Variants in SMC5 observed in about 807,000 individuals in gnomAD.
The protein encoded by SMC5 is structural maintenance of chromosomes 5, also known as structural maintenance of chromosomes protein 5.
A neutral mutation model predicts 148.3 loss-of-function variants in SMC5; 88 were observed. The observed-to-expected ratio is 0.59, with a 90% confidence interval of 0.50 to 0.71. The LOEUF (loss-of-function observed/expected upper bound fraction) is 0.71. SMC5 is among the 30% of genes least tolerant of loss of function. The pLI is 0.00. For missense variants in SMC5, 1,142 were observed against 1,298.9 expected, an observed-to-expected ratio of 0.88 and a Z score of 1.86; for synonymous variants, 421 against 432.8, an observed-to-expected ratio of 0.97 and a Z score of 0.34.
At chr9:70,271,510 T>C (rs1306111578) in intron 3 of SMC5, among the ~76,000 whole-genome samples, 5 of 152,200 alleles carry the variant, frequency 3.3e-5, no homozygotes, top group African/African-American at 1.2e-4. Context: ...ATGTAGTCAT[T>C]TTCCAAATAT....
chr9:70,284,673 A>T (rs530048113), intron 7 of SMC5, among the ~76,000 whole-genome samples: 1 of 152,338 alleles, frequency 6.6e-6, no homozygotes, highest in East Asian at 1.9e-4. Flanking sequence ...CATGAGCCTA[A>T]TTTATTTATG....
chr9:70,345,145 T>G (rs1400290650), intron 18 of SMC5, among the ~76,000 whole-genome samples: 1 of 149,164 alleles, frequency 6.7e-6, no homozygotes, highest in East Asian at 2.0e-4. Context: ...ATACATTGTG[T>G]TGTTATAAAA....
At chr9:70,314,255 A>C (rs1166174278) in intron 11 of SMC5, among the ~76,000 whole-genome samples, 1 of 152,260 alleles carries the variant, frequency 6.6e-6, no homozygotes, top group Middle Eastern at 3.4e-3. Flanking sequence ...GATGCTCCAG[A>C]TTGGGGAATG....
chr9:70,346,616 C>T lies in SMC5; in HGVS notation c.2535C>T (p.Thr845=), dbSNP rs759547105. The T allele has an allele frequency of 6.2e-7, 1 of 1,614,042 alleles. No individual in the cohort carries two copies. Among genetic ancestry groups the T allele is most frequent in the Non-Finnish European group, 8.5e-7 (1 of 1,179,942 alleles). The change falls in exon 19 of 25, where the codon ACC becomes ACT. Residue 845 remains threonine, a synonymous_variant. Transcript: ENST00000361138. ...LPQEYQTQVP[T]IPNGHNSSLP... Reference sequence around the variant, plus strand: ...TTCTACCAATTCAGCAAGTACCCACCATTCCAAATGGACACAACTCCTCAC... The same window carrying T: ...TTCTACCAATTCAGCAAGTACCCACTATTCCAAATGGACACAACTCCTCAC...
rs1204651336 is a variant in SMC5 at position 70,298,075 on chromosome 9, A to AGACCAC, written c.1165_1170dup (p.Thr389_Thr390dup). ...ATAGAGGATTTGCAAAATGAACTAA[A>AGACCAC]GACCACGGAAAACTGCGAGAATCTT... is the stretch of plus-strand genomic sequence containing the variant. On this transcript the variant is annotated inframe_insertion, in exon 9 of 25. Transcript: ENST00000361138. 1 of 1,614,068 alleles carries AGACCAC rather than the reference A, an allele frequency of 6.2e-7. No individual in the cohort carries two copies. The highest frequency in any genetic ancestry group is 8.5e-7 in the Non-Finnish European group (1 of 1,179,948).
At chr9:70,329,935 AC>A (rs2036177831) in intron 17 of SMC5, among the ~76,000 whole-genome samples, 2 of 152,192 alleles carry the variant, frequency 1.3e-5, no homozygotes, top group Non-Finnish European at 2.9e-5. Context: ...GGCACGTCTT[AC>A]CATGGCGGTG....
intron 3 of SMC5, among the ~76,000 whole-genome samples, chr9:70,273,382 CTATA>C (rs1167240756): frequency 1.3e-5 from 2 of 151,588 alleles, no homozygotes; most frequent in African/African-American, 4.8e-5. Flanking sequence ...TTTGAGTTTA[CTATA>C]TATATTATTT....
intron 11 of SMC5, among the ~76,000 whole-genome samples, chr9:70,309,525 T>G (rs2035605081): frequency 6.6e-6 from 1 of 152,018 alleles, no homozygotes; most frequent in Non-Finnish European, 1.5e-5. Flanking sequence ...CTAAATCATT[T>G]GTTGTAATTT....
intron 1 of SMC5, among the ~76,000 whole-genome samples, chr9:70,262,130 G>A (rs957429190): frequency 1.3e-5 from 2 of 152,292 alleles, no homozygotes; most frequent in African/African-American, 4.8e-5. Context: ...TGGGTAGTTA[G>A]AGAATGTAAA....
At chr9:70,289,984 A>T (rs1435308976) in intron 8 of SMC5, among the ~76,000 whole-genome samples, 3 of 152,058 alleles carry the variant, frequency 2.0e-5, no homozygotes, top group Non-Finnish European at 4.4e-5. Context: ...GAGTGTGTTG[A>T]CCTGATGCTC....
Position 70,354,223 on chromosome 9 carries a change from T to A in SMC5, c.*1892T>A, listed in dbSNP as rs1409536729. The A allele has an allele frequency of 2.0e-5, 3 of 152,630 alleles. No homozygotes were observed. Among genetic ancestry groups the A allele is most frequent in the Non-Finnish European group, 4.4e-5 (3 of 68,414 alleles). 9.5% of individuals were successfully genotyped at this position (152,630 alleles called of 1,614,324 possible). On this transcript the variant is annotated 3_prime_UTR_variant, in exon 25 of 25. Transcript: ENST00000361138. ...CACTTAAAACAAAAGTTTTTTTGTT[T>A]GTTTGTTTGTTTGTTTTTTTGAGAT...
chr9:70,350,564 G>A, intron 24 of SMC5, 93 bp downstream of exon 24: 1 of 732,950 alleles, frequency 1.4e-6, no homozygotes, highest in Non-Finnish European at 2.2e-6. Context: ...CATATTAGCA[G>A]GAACACTCCC....
chr9:70,350,585 T>G (rs1432775707), intron 24 of SMC5, 114 bp downstream of exon 24: 1 of 614,194 alleles, frequency 1.6e-6, no homozygotes, highest in Non-Finnish European at 2.7e-6. Flanking sequence ...AAAAAAGGAA[T>G]TTAAAAGGTT....
intron 8 of SMC5, among the ~76,000 whole-genome samples, chr9:70,295,470 CAAAA>C (rs767989666): frequency 1.2e-4 from 10 of 81,398 alleles, no homozygotes; most frequent in East Asian, 1.0e-3. Context: ...GACCCTGTCT[CAAAA>C]AAAAAAAAAA....
chr9:70,299,176 C>T (rs915788070), intron 9 of SMC5, among the ~76,000 whole-genome samples: 6 of 151,622 alleles, frequency 4.0e-5, no homozygotes, highest in Non-Finnish European at 7.4e-5. Flanking sequence ...TTTTCAAGGC[C>T]GAAAACATTT....
chr9:70,261,761 G>A (rs990391309), intron 1 of SMC5, among the ~76,000 whole-genome samples: 1 of 152,186 alleles, frequency 6.6e-6, no homozygotes, highest in Admixed American at 6.5e-5. Context: ...CTACATTAAG[G>A]GTGAACTGAA....
rs1164552402 is a variant in SMC5 at position 70,318,539 on chromosome 9, A to G, written c.1832A>G (p.Gln611Arg). Residue 611 changes from glutamine (Q) to arginine (R), a missense_variant, in exon 14 of 25, where the codon CAG (glutamine) becomes CGG (arginine). Transcript: ENST00000361138. ...GTAATACAAGAAACCCGATTAAAACAGATTTATACAGCAGAAGAAAAGTAT... is the reference window on the plus strand; with the variant it reads ...GTAATACAAGAAACCCGATTAAAACGGATTTATACAGCAGAAGAAAAGTAT... ...ERVIQETRLK[Q>R]IYTAEEKYVV... 18 of 1,605,708 alleles carry G rather than the reference A, an allele frequency of 1.1e-5. No individual in the cohort carries two copies. In the South Asian group the frequency reaches 2.0e-4, roughly 18 times the overall value.
At chr9:70,342,244 T>A (rs1165350029) in intron 17 of SMC5, among the ~76,000 whole-genome samples, 1 of 71,878 alleles carries the variant, frequency 1.4e-5, no homozygotes, top group African/African-American at 5.8e-5. Flanking sequence ...TGTTGTGGGG[T>A]GGGGGGAGGG....
intron 1 of SMC5, among the ~76,000 whole-genome samples, 164 bp from the exon 2 acceptor site, chr9:70,264,140 A>C (rs112406251): frequency 2.0e-5 from 3 of 152,186 alleles, no homozygotes; most frequent in Non-Finnish European, 4.4e-5. Flanking sequence ...CATTTCTTCT[A>C]TTGGTATTCT....
Sources: allele counts gnomAD v4.1 joint callset (sites outside exome capture counted in the v4.1 genomes callset), GRCh38; gene constraint gnomAD v4.1.1; transcripts MANE v1.5; gene names NCBI Gene and HGNC (gene_info 2026-07-23, HGNC 2026-07-21).